The following SNCAIP variants were observed in gnomAD, a reference collection of about 807,000 sequenced individuals.
The protein encoded by SNCAIP is synuclein alpha interacting protein.
A neutral mutation model predicts 86.7 loss-of-function variants in SNCAIP; 43 were observed. The ratio of observed to expected loss-of-function variants is 0.50; its 90% CI spans 0.39 to 0.64. The LOEUF is 0.64. SNCAIP is among the 30% of genes least tolerant of loss of function. The pLI is 0.00. For missense variants in SNCAIP, 981 were observed against 1,103.1 expected (o/e 0.89, Z 1.57); for synonymous variants, 417 against 427.2 (o/e 0.98, Z 0.29).
At chr5:122,379,918 G>C (rs1766298428) in intron 1 of SNCAIP, among the ~76,000 whole-genome samples, 1 of 152,140 alleles carries the variant, frequency 6.6e-6, no homozygotes, top group South Asian at 2.1e-4. Flanking sequence ...TAAGCTTTTT[G>C]ATGTGTTGCT....
chr5:122,325,490 T>C (rs934598660), intron 1 of SNCAIP, among the ~76,000 whole-genome samples: 2 of 152,186 alleles, frequency 1.3e-5, no homozygotes, highest in Non-Finnish European at 2.9e-5. Flanking sequence ...TCCCTTTTAG[T>C]CTTACTAGCT....
chr5:122,448,285 C>G (rs1315790378), intron 8 of SNCAIP, among the ~76,000 whole-genome samples: 1 of 151,826 alleles, frequency 6.6e-6, no homozygotes, highest in African/African-American at 2.4e-5. Flanking sequence ...TTCTATTGCT[C>G]TGTAACAAAT....
At chr5:122,392,078 C>T (rs17149120) in intron 2 of SNCAIP, among the ~76,000 whole-genome samples, 19,799 of 152,186 alleles carry the variant, frequency 0.13, 1,380 homozygotes, top group South Asian at 0.25. Flanking sequence ...CTCAAAGTCA[C>T]TGCTTTAAAA....
At chr5:122,460,618 A>C (rs1387688186) in intron 10 of SNCAIP, among the ~76,000 whole-genome samples, 1 of 152,138 alleles carries the variant, frequency 6.6e-6, no homozygotes, top group South Asian at 2.1e-4. Context: ...TATCACTCTC[A>C]AGAGCTAAAT....
At chr5:122,436,397 T>C (rs1484756625) in intron 6 of SNCAIP, 1 of 152,166 alleles carries the variant, frequency 6.6e-6, no homozygotes, top group East Asian at 1.9e-4. Flanking sequence ...CTCCAACTTA[T>C]TGTTTTTATT....
At chr5:122,421,781 G>A (rs907282816) in intron 3 of SNCAIP, among the ~76,000 whole-genome samples, 3 of 152,080 alleles carry the variant, frequency 2.0e-5, no homozygotes, top group Non-Finnish European at 4.4e-5. Context: ...ATCTAGCAGT[G>A]GAGTGGCCCA....
intron 9 of SNCAIP, 29 bp from the exon 10 acceptor site, chr5:122,450,504 A>T (rs982410688): frequency 2.0e-6 from 3 of 1,506,646 alleles, no homozygotes; most frequent in Non-Finnish European, 2.8e-6. Context: ...GTAGGAAATC[A>T]TCTCATATGT....
intron 3 of SNCAIP, among the ~76,000 whole-genome samples, chr5:122,405,904 T>G (rs950410466): frequency 1.3e-5 from 2 of 152,186 alleles, no homozygotes; most frequent in African/African-American, 4.8e-5. Context: ...GAGGCCAGTT[T>G]CAAACTTAGA....
At chr5:122,432,134 T>A (rs747049600) in intron 6 of SNCAIP, 52 bp downstream of exon 6, 8 of 804,568 alleles carry the variant, frequency 9.9e-6, no homozygotes, top group African/African-American at 3.4e-5. Flanking sequence ...ATAATCTTCC[T>A]ACTTTTTTAT....
At chr5:122,396,058 T>C (rs1222704999) in intron 2 of SNCAIP, among the ~76,000 whole-genome samples, 1 of 152,142 alleles carries the variant, frequency 6.6e-6, no homozygotes, top group African/African-American at 2.4e-5. Flanking sequence ...CTCCGTGTGA[T>C]CTAGTTCCAG....
At chr5:122,350,513 T>C (rs1205137590) in intron 1 of SNCAIP, among the ~76,000 whole-genome samples, 3 of 151,518 alleles carry the variant, frequency 2.0e-5, no homozygotes, top group Non-Finnish European at 4.4e-5. Context: ...AAGGATTTTT[T>C]GTTTGTTTTT....
chr5:122,401,584 CT>C (rs1274633458), intron 2 of SNCAIP, among the ~76,000 whole-genome samples: 1 of 152,124 alleles, frequency 6.6e-6, no homozygotes, highest in East Asian at 1.9e-4. Context: ...GATTGCTATA[CT>C]TTTTATTTCT....
chr5:122,320,673 CAG>C (rs1340665217), intron 1 of SNCAIP, among the ~76,000 whole-genome samples: 1 of 152,154 alleles, frequency 6.6e-6, no homozygotes. Flanking sequence ...TTGACAGAGT[CAG>C]GGGGATATGC....
intron 1 of SNCAIP, among the ~76,000 whole-genome samples, chr5:122,332,925 C>G (rs1248140546): frequency 6.6e-6 from 1 of 152,188 alleles, no homozygotes; most frequent in African/African-American, 2.4e-5. Context: ...TGAGAACACA[C>G]TAAGATGCTA....
chr5:122,341,919 T>C (rs1053484777), intron 1 of SNCAIP, among the ~76,000 whole-genome samples: 21 of 152,280 alleles, frequency 1.4e-4, no homozygotes, highest in Admixed American at 1.2e-3. Flanking sequence ...CTTGATTATG[T>C]CATGGAATCT....
intron 2 of SNCAIP, among the ~76,000 whole-genome samples, chr5:122,392,661 T>G (rs980137899): frequency 3.5e-4 from 53 of 152,186 alleles, no homozygotes; most frequent in African/African-American, 1.2e-3. Context: ...GCAAAGGCTT[T>G]GAAAGCAGCC....
chr5:122,362,046 C>T (rs895342670), intron 1 of SNCAIP, among the ~76,000 whole-genome samples: 8 of 152,146 alleles, frequency 5.3e-5, no homozygotes, highest in Admixed American at 4.6e-4. Flanking sequence ...ACTGATTTGC[C>T]TGCATCAAAT....
At chr5:122,331,672 G>A (rs1326165455) in intron 1 of SNCAIP, among the ~76,000 whole-genome samples, 1 of 152,156 alleles carries the variant, frequency 6.6e-6, no homozygotes, top group Non-Finnish European at 1.5e-5. Context: ...CGTAGCTGCT[G>A]CCTTCTTCTG....
intron 3 of SNCAIP, among the ~76,000 whole-genome samples, chr5:122,409,169 G>A (rs1773619982): frequency 6.6e-6 from 1 of 152,170 alleles, no homozygotes; most frequent in Non-Finnish European, 1.5e-5. Flanking sequence ...TACTCATGTG[G>A]GAAAAGAGGA....
Sources: allele counts gnomAD v4.1 joint callset (sites outside exome capture counted in the v4.1 genomes callset), GRCh38; gene constraint gnomAD v4.1.1; transcripts MANE v1.5; gene names NCBI Gene and HGNC (gene_info 2026-07-23, HGNC 2026-07-21).